PKHD1: variants seen among roughly 807,000 people sequenced by gnomAD.
PKHD1 encodes PKHD1 ciliary IPT domain containing fibrocystin/polyductin.
PKHD1 carries 291 observed loss-of-function variants against 412.0 expected under a neutral mutation model. The observed-to-expected ratio is 0.71, with a 90% CI of 0.64 to 0.78. The LOEUF (loss-of-function observed/expected upper bound fraction) is 0.78, where lower values mean the gene tolerates loss of function less well. Ranked by LOEUF, PKHD1 falls within the 30% of genes least tolerant of loss-of-function variation. PKHD1 has a pLI of 0.00. For synonymous variants in PKHD1, 1,777 were observed against 1,821.5 expected (o/e 0.98, Z 0.62); for missense variants, 4,825 against 4,950.7 (o/e 0.97, Z 0.76).
At chr6:51,973,007 A>AT (rs1793898560) in intron 35 of PKHD1, among the ~76,000 whole-genome samples, 1 of 152,090 alleles carries the variant, frequency 6.6e-6, no homozygotes, top group African/African-American at 2.4e-5. Flanking sequence ...TCTGCATTTT[A>AT]TTTTTTTCAA....
intron 60 of PKHD1, among the ~76,000 whole-genome samples, chr6:51,706,866 T>C (rs1289481997): frequency 1.3e-5 from 2 of 152,218 alleles, no homozygotes; most frequent in African/African-American, 4.8e-5. Context: ...TGATCTGAGA[T>C]GTGGCAGTGT....
At chr6:51,938,210 C>A (rs1787827652) in intron 36 of PKHD1, among the ~76,000 whole-genome samples, 1 of 152,220 alleles carries the variant, frequency 6.6e-6, no homozygotes, top group Non-Finnish European at 1.5e-5. Flanking sequence ...CTTCCAAATA[C>A]TCCAATAGAT....
At chr6:51,937,093 C>T (rs183576346) in intron 36 of PKHD1, among the ~76,000 whole-genome samples, 99 of 152,290 alleles carry the variant, frequency 6.5e-4, no homozygotes, top group African/African-American at 2.1e-3. Context: ...TAATAAGAAC[C>T]TTGGACTCCA....
chr6:51,746,393 CAAAACAAT>C (rs1785200516), intron 59 of PKHD1, among the ~76,000 whole-genome samples: 1 of 152,130 alleles, frequency 6.6e-6, no homozygotes, highest in African/African-American at 2.4e-5. Flanking sequence ...CTAATTAAGA[CAAAACAAT>C]AAAACAATAT....
chr6:51,926,767 T>A (rs1785701099), intron 37 of PKHD1, among the ~76,000 whole-genome samples: 2 of 152,322 alleles, frequency 1.3e-5, no homozygotes, highest in East Asian at 3.9e-4. Flanking sequence ...TCTGCCACTG[T>A]AAATAGAATG....
chr6:51,982,203 GCCCGGCCAGCCGCCCCA>G (rs1795483622), intron 35 of PKHD1, among the ~76,000 whole-genome samples: 1 of 31,556 alleles, frequency 3.2e-5, no homozygotes, highest in East Asian at 6.9e-4. Context: ...TCAGCCCCCC[GCCCGGCCAGCCGCCCCA>G]TCCGGGAGGT....
At chr6:51,782,976 T>C (rs1000273524) in intron 53 of PKHD1, among the ~76,000 whole-genome samples, 2 of 152,198 alleles carry the variant, frequency 1.3e-5, no homozygotes, top group African/African-American at 4.8e-5. Context: ...GTCCCAATCA[T>C]GGAAGCAATG....
intron 57 of PKHD1, among the ~76,000 whole-genome samples, chr6:51,749,192 TC>T: frequency 6.6e-6 from 1 of 152,282 alleles, no homozygotes; most frequent in Non-Finnish European, 1.5e-5. Flanking sequence ...AGCCTGATAT[TC>T]CATACATGCT....
In PKHD1 at chr6:52,048,630, T is replaced by C. The variant is rs1336555971; in HGVS notation, c.2280-11A>G. On this transcript the variant is annotated splice_polypyrimidine_tract_variant and intron_variant, in intron 22 of 66. Coordinates refer to ENST00000371117, the MANE Select transcript of PKHD1 (RefSeq NM_138694.4). ...TCAGTGGGCACAGAGCTGTGGCACG[T>C]CAGAAACAAAGTATTAACGTCTGGG... 6 of 1,613,926 alleles carry C rather than the reference T, an allele frequency of 3.7e-6. No homozygotes were observed. The highest frequency in any genetic ancestry group is 5.1e-6 in the Non-Finnish European group (6 of 1,179,986).
intron 35 of PKHD1, among the ~76,000 whole-genome samples, chr6:52,003,901 T>C (rs887822393): frequency 6.6e-6 from 1 of 152,212 alleles, no homozygotes; most frequent in Non-Finnish European, 1.5e-5. Flanking sequence ...AGATGTTCTA[T>C]TGAAATTGCA....
intron 60 of PKHD1, among the ~76,000 whole-genome samples, chr6:51,713,399 G>C (rs1780872514): frequency 6.6e-6 from 1 of 152,160 alleles, no homozygotes. Context: ...AAAAAGTTTG[G>C]TTGGCTTTGG....
chr6:51,985,754 T>C (rs1796128356), intron 35 of PKHD1, among the ~76,000 whole-genome samples: 1 of 152,094 alleles, frequency 6.6e-6, no homozygotes, highest in South Asian at 2.1e-4. Context: ...ATAAAGCATA[T>C]GCTACCCTAA....
At position 51,967,349 on chromosome 6, in the gene PKHD1, C is replaced by A. The variant is rs556581388; in HGVS notation, c.5752-7323G>T. On this transcript the variant is annotated intron_variant, in intron 35 of 66. Transcript: ENST00000371117. ...CTCTTTATAGGAAAAGTTTGGGGACCCCGGTAAATTCTGTTTCATACTATA... is the reference window on the plus strand; with the variant it reads ...CTCTTTATAGGAAAAGTTTGGGGACACCGGTAAATTCTGTTTCATACTATA... Among the ~76,000 whole-genome samples the A allele has an allele frequency of 1.1e-3, 162 of 151,874 alleles. 3 individuals are homozygous for A. The highest frequency in any genetic ancestry group is 3.7e-3 in the African/African-American group (152 of 41,426).
chr6:52,081,431 C>T (rs1368443891), intron 4 of PKHD1, among the ~76,000 whole-genome samples: 1 of 152,218 alleles, frequency 6.6e-6, no homozygotes, highest in East Asian at 1.9e-4. Flanking sequence ...AACACATCCC[C>T]TGCCCTCAAA....
intron 35 of PKHD1, among the ~76,000 whole-genome samples, chr6:51,972,830 A>T (rs1388382820): frequency 6.6e-6 from 1 of 152,208 alleles, no homozygotes; most frequent in East Asian, 1.9e-4. Flanking sequence ...TTAGAGGTAA[A>T]CACCAAGGTT....
rs1449024085 is a variant in PKHD1 at position 52,004,756 on chromosome 6, T to C, written c.5751+5553A>G. Among the ~76,000 whole-genome samples the C allele has an allele frequency of 4.6e-5, 7 of 152,222 alleles. 1 individual carries two copies. In the East Asian group the frequency reaches 1.3e-3, roughly 29 times the overall value. Reference sequence around the variant, plus strand: ...AGTGTGGCCTTTCTGAGGTCTCAACTCAATGCCCTGGTGTTGAGTGGGGTT... The same window carrying C: ...AGTGTGGCCTTTCTGAGGTCTCAACCCAATGCCCTGGTGTTGAGTGGGGTT... On this transcript the variant is annotated intron_variant, in intron 35 of 66. Transcript: ENST00000371117.
At position 51,694,862 on chromosome 6, in the gene PKHD1, C is replaced by T. The variant is rs1778610982; in HGVS notation, c.10157-34893G>A. Reference sequence around the variant, plus strand: ...ACCCACAGAAGACAACACAGCTGTACTGCCACATTGTCACTGCAGAGATTT... The same window carrying T: ...ACCCACAGAAGACAACACAGCTGTATTGCCACATTGTCACTGCAGAGATTT... On this transcript the variant is annotated intron_variant, in intron 60 of 66. Transcript: ENST00000371117. 3.3e-5 allele frequency among the ~76,000 whole-genome samples: 5 copies of T among 152,140 alleles called. No homozygotes were observed. In the South Asian group the frequency reaches 8.3e-4, roughly 25 times the overall value.
At chr6:51,729,407 A>G (rs1000017812) in intron 60 of PKHD1, among the ~76,000 whole-genome samples, 19 of 152,328 alleles carry the variant, frequency 1.2e-4, no homozygotes, top group Non-Finnish European at 2.6e-4. Context: ...TATTCTTACT[A>G]TAAAAACTAA....
At chr6:52,055,539 T>C (rs1464214617) in intron 19 of PKHD1, 48 bp downstream of exon 19, 3 of 1,604,352 alleles carry the variant, frequency 1.9e-6, no homozygotes, top group Non-Finnish European at 2.6e-6. Flanking sequence ...CAGAGAGCAA[T>C]ACCAATACCT....
Sources: allele counts gnomAD v4.1 joint callset (sites outside exome capture counted in the v4.1 genomes callset), GRCh38; gene constraint gnomAD v4.1.1; transcripts MANE v1.5; gene names NCBI Gene and HGNC (gene_info 2026-07-23, HGNC 2026-07-21).